ABLIM1: variants seen among roughly 807,000 people sequenced by gnomAD.
The protein encoded by ABLIM1 is actin-binding LIM protein 1.
Under a neutral mutation model 107.0 loss-of-function variants are expected in ABLIM1, and 40 were observed. The observed-to-expected ratio is 0.37, with a 90% confidence interval of 0.29 to 0.49. The LOEUF (loss-of-function observed/expected upper bound fraction) is 0.49, where lower values mean the gene tolerates loss of function less well. Ranked by LOEUF, ABLIM1 falls within the 20% of genes least tolerant of loss-of-function variation. ABLIM1 has a pLI of 0.97. For missense variants in ABLIM1, 857 were observed against 1,008.5 expected (o/e 0.85, Z 2.04); for synonymous variants, 357 against 357.3 (o/e 1.00, Z 0.01).
the ABLIM1 span, among the ~76,000 whole-genome samples, chr10:114,786,435 T>C: frequency 3.6e-4 from 55 of 152,226 alleles, no homozygotes; most frequent in Non-Finnish European, 3.4e-4. Flanking sequence ...GTATAAAAGA[T>C]GAGGACTGAA....
At chr10:114,468,956 G>A (rs1170177266) in intron 10 of ABLIM1, among the ~76,000 whole-genome samples, 1 of 151,458 alleles carries the variant, frequency 6.6e-6, no homozygotes, top group Non-Finnish European at 1.5e-5. Context: ...GGAGGCTGAG[G>A]CAGGAGAATG....
intron 1 of ABLIM1, among the ~76,000 whole-genome samples, chr10:114,704,302 C>CTCTATATATATATATA (rs1380460034): frequency 7.0e-5 from 3 of 43,058 alleles, no homozygotes; most frequent in Non-Finnish European, 9.5e-5. Flanking sequence ...CTCTCTCTCT[C>CTCTATATATATATATA]TATATATATA....
intron 1 of ABLIM1, among the ~76,000 whole-genome samples, chr10:114,639,527 A>G (rs1443484248): frequency 6.6e-6 from 1 of 152,102 alleles, no homozygotes. Flanking sequence ...ATGCTGAGTG[A>G]CCCTGGGCAC....
chr10:114,496,051 A>G (rs2059622765), intron 6 of ABLIM1, among the ~76,000 whole-genome samples: 1 of 152,228 alleles, frequency 6.6e-6, no homozygotes, highest in South Asian at 2.1e-4. Context: ...CTCTGCTCAG[A>G]GACAGTCCCA....
At chr10:114,786,911 G>C in the ABLIM1 span, among the ~76,000 whole-genome samples, 113,011 of 151,654 alleles carry the variant, frequency 0.75, 42,474 homozygotes, top group African/African-American at 0.84. Context: ...TCTGCCCGGC[G>C]GCCACCCCGT....
At chr10:114,610,284 CA>C (rs1341236321) in intron 1 of ABLIM1, among the ~76,000 whole-genome samples, 1 of 152,194 alleles carries the variant, frequency 6.6e-6, no homozygotes, top group Non-Finnish European at 1.5e-5. Context: ...CGGCCACCTC[CA>C]GCCTGAGCAG....
chr10:114,479,996 T>C (rs978922319), intron 8 of ABLIM1, among the ~76,000 whole-genome samples: 3 of 152,330 alleles, frequency 2.0e-5, no homozygotes, highest in Admixed American at 6.5e-5. Context: ...TTAACATATA[T>C]CCACTCAGAC....
intron 1 of ABLIM1, among the ~76,000 whole-genome samples, chr10:114,715,520 T>G (rs967277483): frequency 6.6e-6 from 1 of 152,186 alleles, no homozygotes. Context: ...TCCTCCCTGA[T>G]AAGCGATCCA....
At chr10:114,659,411 G>A (rs2079683105), upstream of ABLIM1, among the ~76,000 whole-genome samples, 1 of 152,072 alleles carries the variant, frequency 6.6e-6, no homozygotes, top group Non-Finnish European at 1.5e-5. Flanking sequence ...CAGCTACTCG[G>A]GAGGCTGAGG....
chr10:114,588,842 AT>A lies in ABLIM1; in HGVS notation c.379+12984del, dbSNP rs574250669. ...TCTTTTGTCCTTTTCATGGACCTATATTTTTTCCCCCCTCCATCACCCCACT... is the reference window on the plus strand; with the variant it reads ...TCTTTTGTCCTTTTCATGGACCTATATTTTTCCCCCCTCCATCACCCCACT... On this transcript the variant is annotated intron_variant, in intron 2 of 22. Coordinates refer to ENST00000533213, the MANE Select transcript of ABLIM1 (RefSeq NM_002313.7). Among the ~76,000 whole-genome samples the A allele has an allele frequency of 3.4e-3, 522 of 151,742 alleles. 4 individuals carry two copies. Among genetic ancestry groups the A allele is most frequent in the African/African-American group, 0.012 (476 of 41,376 alleles).
At chr10:114,472,828 T>A in intron 10 of ABLIM1, 149 bp downstream of exon 10, 1 of 661,578 alleles carries the variant, frequency 1.5e-6, no homozygotes, top group Non-Finnish European at 2.3e-6. Context: ...GGCTTCTGAA[T>A]ACCTCAAAGC....
At chr10:114,740,965 G>A (rs191142505) in intron 1 of ABLIM1, among the ~76,000 whole-genome samples, 54 of 151,326 alleles carry the variant, frequency 3.6e-4, no homozygotes, top group African/African-American at 1.0e-3. Flanking sequence ...CCTAGGAAGC[G>A]GGGGTTGCAG....
the ABLIM1 span, among the ~76,000 whole-genome samples, chr10:114,787,870 A>G: frequency 1.4e-3 from 206 of 147,692 alleles, 6 homozygotes; most frequent in East Asian, 0.038. Context: ...TGACAATGGC[A>G]GTTTTGTGGA....
At chr10:114,668,242 G>C (rs928118093) in intron 1 of ABLIM1, among the ~76,000 whole-genome samples, 6 of 152,244 alleles carry the variant, frequency 3.9e-5, no homozygotes, top group Non-Finnish European at 8.8e-5. Flanking sequence ...AGCCTGGGAG[G>C]AGGTGGGAGG....
intron 2 of ABLIM1, among the ~76,000 whole-genome samples, chr10:114,585,767 A>T (rs1041802069): frequency 1.3e-5 from 2 of 152,130 alleles, no homozygotes; most frequent in Non-Finnish European, 2.9e-5. Flanking sequence ...GTTCACCCTC[A>T]TGGCAAAGCT....
intron 8 of ABLIM1, chr10:114,485,314 G>T: frequency 6.2e-7 from 1 of 1,612,630 alleles, no homozygotes; most frequent in Non-Finnish European, 8.5e-7. Flanking sequence ...GACGGAGACC[G>T]TCCTGTGCGT....
chr10:114,601,942 A>G lies in ABLIM1; in HGVS notation c.264T>C (p.Pro88=). The G allele has an allele frequency of 6.2e-7, 1 of 1,614,128 alleles. No individual in the cohort carries two copies. The highest frequency in any genetic ancestry group is 8.5e-7 in the Non-Finnish European group (1 of 1,179,982). ...TGACAGGCTTCTCTGATGGGTGGTG[A>G]GGGTCCTGAGGGTGGGCCACTGAAA... is the stretch of plus-strand genomic sequence containing the variant. The part of the protein sequence containing the change: ...VDPFVAHPQD[P]HHPSEKPVIH... The change falls in exon 2 of 23, where the codon CCT becomes CCC. Residue 88 remains proline (P), a synonymous_variant. Coordinates refer to ENST00000533213, the MANE Select transcript of ABLIM1 (RefSeq NM_002313.7).
intron 6 of ABLIM1, among the ~76,000 whole-genome samples, chr10:114,531,718 A>G (rs993558661): frequency 2.6e-5 from 4 of 152,080 alleles, no homozygotes; most frequent in Non-Finnish European, 2.9e-5. Context: ...GGGTTTCACC[A>G]TGTTGGCCAG....
chr10:114,751,632 C>T (rs539722932), intron 1 of ABLIM1, among the ~76,000 whole-genome samples: 1 of 151,898 alleles, frequency 6.6e-6, no homozygotes, highest in African/African-American at 2.4e-5. Flanking sequence ...CACATGTAGT[C>T]CCAGCTACTC....
Sources: gnomAD v4.1 joint callset for allele counts (sites outside exome capture counted in the v4.1 genomes callset) on GRCh38, gnomAD v4.1.1 for gene constraint, MANE v1.5 for transcripts, NCBI Gene and HGNC (gene_info 2026-07-23, HGNC 2026-07-21) for gene names.